Variants in LRRC7 observed in about 807,000 individuals in gnomAD.
LRRC7 encodes the protein leucine rich repeat containing 7, also known as leucine-rich repeat-containing protein 7.
LRRC7 carries 23 observed loss-of-function variants against 175.7 expected under a neutral mutation model. The observed-to-expected ratio is 0.13, with a 90% confidence interval of 0.09 to 0.19. LRRC7 has a LOEUF of 0.19. LRRC7 is among the 10% of genes least tolerant of loss of function. The pLI is 1.00. For missense variants in LRRC7, 1,354 were observed against 1,904.7 expected, an observed-to-expected ratio of 0.71 and a Z score of 5.38; for synonymous variants, 685 against 680.9, an observed-to-expected ratio of 1.01 and a Z score of -0.09.
At chr1:69,575,299 GAGAA>G (rs1645902499) in intron 1 of LRRC7, among the ~76,000 whole-genome samples, 1 of 152,140 alleles carries the variant, frequency 6.6e-6, no homozygotes, top group South Asian at 2.1e-4. Context: ...AAGTAGAAGA[GAGAA>G]AGGAATCTTA....
At chr1:69,661,100 A>G (rs1348513091) in intron 1 of LRRC7, among the ~76,000 whole-genome samples, 1 of 152,042 alleles carries the variant, frequency 6.6e-6, no homozygotes, top group East Asian at 1.9e-4. Flanking sequence ...TCAGAGTTTA[A>G]AGGGGAAGTG....
intron 7 of LRRC7, among the ~76,000 whole-genome samples, chr1:69,902,708 T>G (rs980571430): frequency 2.0e-5 from 3 of 152,266 alleles, no homozygotes; most frequent in African/African-American, 7.2e-5. Flanking sequence ...AGACTTTTCT[T>G]GCTCTTTGAG....
chr1:69,792,349 C>A (rs776712120), intron 4 of LRRC7, among the ~76,000 whole-genome samples, 189 bp downstream of exon 4: 5 of 152,058 alleles, frequency 3.3e-5, no homozygotes, highest in Non-Finnish European at 7.4e-5. Flanking sequence ...CCTCCTCTTA[C>A]TAATGTGCTT....
chr1:70,082,780 C>CATCTTTTTTTT (rs1663300634), intron 24 of LRRC7, among the ~76,000 whole-genome samples: 1 of 3,150 alleles, frequency 3.2e-4, no homozygotes, highest in African/African-American at 7.6e-4. Context: ...GATACCAGTA[C>CATCTTTTTTTT]ATTTTTTTTT....
chr1:69,907,322 C>G (rs927445521), intron 7 of LRRC7, among the ~76,000 whole-genome samples: 1 of 152,172 alleles, frequency 6.6e-6, no homozygotes, highest in Non-Finnish European at 1.5e-5. Flanking sequence ...TGAGAGAGGG[C>G]ATACCTGTCT....
intron 2 of LRRC7, among the ~76,000 whole-genome samples, chr1:69,694,709 C>T (rs1309824625): frequency 1.4e-5 from 2 of 147,730 alleles, no homozygotes; most frequent in East Asian, 4.1e-4. Context: ...CACATGAGAT[C>T]TGGTTGTTTA....
intron 3 of LRRC7, among the ~76,000 whole-genome samples, chr1:69,787,064 C>A (rs1374932510): frequency 1.3e-5 from 2 of 152,150 alleles, no homozygotes; most frequent in Non-Finnish European, 2.9e-5. Context: ...ACAGCCATTC[C>A]AAATAGAAGA....
chr1:70,139,846 A>C lies in LRRC7; in HGVS notation c.*17959A>C, dbSNP rs1338049709. The stretch of plus-strand genomic sequence containing the variant: ...TGCTGAAACTCCAAATCCTTGTTAA[A>C]GGTTTTCCTGGACTCCTACAGTCTG... On this transcript the variant is annotated 3_prime_UTR_variant, in exon 27 of 27. Transcript: ENST00000651989. 6.6e-6 allele frequency: 1 copy of C among 152,156 alleles called. No homozygotes were observed. The highest frequency in any genetic ancestry group is 2.4e-5 in the African/African-American group (1 of 41,450). 9.4% of individuals were successfully genotyped at this position (152,156 alleles called of 1,614,324 possible).
chr1:69,594,617 A>G (rs1022534860), intron 1 of LRRC7, among the ~76,000 whole-genome samples: 2 of 152,144 alleles, frequency 1.3e-5, no homozygotes, highest in African/African-American at 4.8e-5. Flanking sequence ...AGTCTCGTCC[A>G]TACTCCATCC....
At chr1:69,588,875 T>C (rs1646506702) in intron 1 of LRRC7, among the ~76,000 whole-genome samples, 1 of 152,094 alleles carries the variant, frequency 6.6e-6, no homozygotes, top group Non-Finnish European at 1.5e-5. Context: ...TTTCTGTACT[T>C]GTTAAATTTC....
At chr1:69,581,540 A>G (rs1646201187) in intron 1 of LRRC7, among the ~76,000 whole-genome samples, 1 of 152,156 alleles carries the variant, frequency 6.6e-6, no homozygotes, top group Non-Finnish European at 1.5e-5. Flanking sequence ...AGAGGGAACT[A>G]ATTTATCCGT....
At chr1:69,616,507 T>C (rs1649645541) in intron 1 of LRRC7, among the ~76,000 whole-genome samples, 1 of 152,076 alleles carries the variant, frequency 6.6e-6, no homozygotes, top group Non-Finnish European at 1.5e-5. Flanking sequence ...TTCGGCAACC[T>C]TTTATTTAAA....
At chr1:70,030,383 C>G (rs1208673781) in intron 18 of LRRC7, among the ~76,000 whole-genome samples, 3 of 152,142 alleles carry the variant, frequency 2.0e-5, no homozygotes, top group African/African-American at 7.2e-5. Flanking sequence ...AATTTCAATA[C>G]TTTATCTAAA....
chr1:70,089,178 C>T (rs981985285), intron 24 of LRRC7, among the ~76,000 whole-genome samples: 1 of 151,792 alleles, frequency 6.6e-6, no homozygotes, highest in Non-Finnish European at 1.5e-5. Flanking sequence ...TTTTTTTTAC[C>T]CTCACACAAG....
At chr1:69,834,545 T>C (rs1384690950) in intron 5 of LRRC7, among the ~76,000 whole-genome samples, 4 of 152,140 alleles carry the variant, frequency 2.6e-5, no homozygotes, top group Non-Finnish European at 4.4e-5. Context: ...AGCAGTGACA[T>C]AAATCTTAGT....
intron 4 of LRRC7, among the ~76,000 whole-genome samples, chr1:69,823,135 G>A (rs1008051424): frequency 6.6e-6 from 1 of 152,054 alleles, no homozygotes; most frequent in Non-Finnish European, 1.5e-5. Context: ...CTTAATCCTC[G>A]ATATTCCTTG....
chr1:69,968,904 C>A (rs1293357656), intron 8 of LRRC7, among the ~76,000 whole-genome samples: 1 of 151,928 alleles, frequency 6.6e-6, no homozygotes, highest in East Asian at 1.9e-4. Flanking sequence ...CTGCAAGCCC[C>A]GCCTCCCAGG....
intron 26 of LRRC7, among the ~76,000 whole-genome samples, chr1:70,117,323 A>G (rs1339591323): frequency 6.6e-6 from 1 of 152,224 alleles, no homozygotes; most frequent in Non-Finnish European, 1.5e-5. Flanking sequence ...TGTTTCTGCA[A>G]TATAAACATC....
chr1:69,921,480 C>T (rs1218984664), intron 7 of LRRC7, among the ~76,000 whole-genome samples: 3 of 152,154 alleles, frequency 2.0e-5, no homozygotes, highest in African/African-American at 7.2e-5. Context: ...ACTCTCACTC[C>T]TATTCAACTA....
Sources: gnomAD v4.1 joint callset for allele counts (sites outside exome capture counted in the v4.1 genomes callset) on GRCh38, gnomAD v4.1.1 for gene constraint, MANE v1.5 for transcripts, NCBI Gene and HGNC (gene_info 2026-07-23, HGNC 2026-07-21) for gene names.